The following FNBP1 variants were observed in gnomAD, a reference collection of about 807,000 sequenced individuals.
FNBP1 encodes formin binding protein 1.
In FNBP1, 26 loss-of-function variants were observed where a neutral mutation model predicts 90.6. The observed-to-expected ratio is 0.29, with a 90% CI of 0.21 to 0.40. FNBP1 has a LOEUF of 0.40. Ranked by LOEUF, FNBP1 falls within the 10% of genes least tolerant of loss-of-function variation. The pLI, the probability that FNBP1 is intolerant of heterozygous loss-of-function variation, is 1.00. For missense variants in FNBP1, 635 were observed against 768.0 expected, an observed-to-expected ratio of 0.83 and a Z score of 2.05; for synonymous variants, 260 against 265.2, an observed-to-expected ratio of 0.98 and a Z score of 0.19.
chr9:129,899,793 AGGAAGGAAGG>A (rs1564262737), intron 15 of FNBP1, among the ~76,000 whole-genome samples, 162 bp downstream of exon 15: 12 of 127,124 alleles, frequency 9.4e-5, no homozygotes, highest in South Asian at 6.0e-4. Flanking sequence ...AGGGAAGGGA[AGGAAGGAAGG>A]GGAAGGGGAA....
At chr9:129,902,501 C>T (rs1465905724) in intron 13 of FNBP1, among the ~76,000 whole-genome samples, 1 of 152,118 alleles carries the variant, frequency 6.6e-6, no homozygotes, top group African/African-American at 2.4e-5. Context: ...ATCCCAGCTC[C>T]TCAAAGGCTG....
intron 15 of FNBP1, among the ~76,000 whole-genome samples, chr9:129,899,664 G>A (rs534833755): frequency 8.9e-4 from 136 of 151,996 alleles, no homozygotes; most frequent in Non-Finnish European, 1.6e-3. Flanking sequence ...AGGAGGTCAA[G>A]GCTGCAGTGA....
intron 1 of FNBP1, among the ~76,000 whole-genome samples, chr9:130,036,424 T>C (rs564887874): frequency 6.6e-6 from 1 of 152,332 alleles, no homozygotes; most frequent in South Asian, 2.1e-4. Context: ...TTTATGTGCT[T>C]AAAGTACAGT....
At chr9:130,048,755 G>A in the FNBP1 span, among the ~76,000 whole-genome samples, 1 of 149,014 alleles carries the variant, frequency 6.7e-6, no homozygotes, top group African/African-American at 2.5e-5. Flanking sequence ...TGGGATTACA[G>A]GCGTGAGCCA....
intron 1 of FNBP1, among the ~76,000 whole-genome samples, chr9:130,005,396 C>T (rs2055535392): frequency 6.9e-6 from 1 of 144,248 alleles, no homozygotes; most frequent in African/African-American, 2.6e-5. Flanking sequence ...GGCTGGAGTG[C>T]AGTGGTGCGA....
intron 11 of FNBP1, among the ~76,000 whole-genome samples, chr9:129,915,193 G>T (rs1441100975): frequency 6.6e-6 from 1 of 151,912 alleles, no homozygotes; most frequent in Non-Finnish European, 1.5e-5. Context: ...CCCACAGGTG[G>T]CCTCAAACCT....
chr9:129,998,514 CA>C (rs201736097), intron 1 of FNBP1, among the ~76,000 whole-genome samples: 21 of 138,668 alleles, frequency 1.5e-4, no homozygotes, highest in South Asian at 2.3e-4. Flanking sequence ...AACTCCACCT[CA>C]AAAAAAAAAA....
intron 4 of FNBP1, among the ~76,000 whole-genome samples, chr9:129,962,032 G>A (rs1408695666): frequency 1.3e-5 from 2 of 152,170 alleles, no homozygotes; most frequent in East Asian, 1.9e-4. Flanking sequence ...TGGTTCTGAT[G>A]AGATTTGCCA....
rs182838391 is a variant in FNBP1 at position 129,925,485 on chromosome 9, G to A, written c.790-328C>T. Among the ~76,000 whole-genome samples, 1,103 of 150,994 alleles carry A rather than the reference G, an allele frequency of 7.3e-3. 14 individuals carry two copies. Among genetic ancestry groups the A allele is most frequent in the African/African-American group, 0.023 (937 of 41,136 alleles). The stretch of plus-strand genomic sequence containing the variant: ...CGCGCCACTGCACTCCAGCCTGGGC[G>A]ACAGAGTGAGACTCCATCTCAAAAA... On this transcript the variant is annotated intron_variant, in intron 8 of 16. Coordinates refer to ENST00000446176, the MANE Select transcript of FNBP1 (RefSeq NM_015033.3).
chr9:129,891,887 G>GA (rs1588316495), intron 16 of FNBP1, among the ~76,000 whole-genome samples: 2 of 152,222 alleles, frequency 1.3e-5, no homozygotes, highest in South Asian at 2.1e-4. Flanking sequence ...ACAATACTGA[G>GA]AAAAAATATA....
At chr9:129,910,405 C>T (rs2039016477) in intron 11 of FNBP1, among the ~76,000 whole-genome samples, 1 of 141,660 alleles carries the variant, frequency 7.1e-6, no homozygotes, top group Non-Finnish European at 1.5e-5. Context: ...TTGCTTGAAC[C>T]CGGGAAGCGG....
intron 6 of FNBP1, among the ~76,000 whole-genome samples, chr9:129,935,150 G>T (rs2043239219): frequency 7.0e-6 from 1 of 143,674 alleles, no homozygotes; most frequent in East Asian, 2.0e-4. Context: ...TTAAGACAGG[G>T]TCTCCCTCTG....
chr9:129,917,609 A>C (rs1445186150), intron 10 of FNBP1, among the ~76,000 whole-genome samples: 6 of 152,220 alleles, frequency 3.9e-5, no homozygotes, highest in African/African-American at 1.2e-4. Flanking sequence ...TGCTGGGATT[A>C]CAGGTGTGAG....
intron 6 of FNBP1, among the ~76,000 whole-genome samples, chr9:129,948,317 G>A (rs1044908829): frequency 7.0e-6 from 1 of 142,682 alleles, no homozygotes; most frequent in Non-Finnish European, 1.5e-5. Context: ...TAATTTATTT[G>A]TCTGTGCTAT....
chr9:130,018,271 ATG>A (rs1480052390), intron 1 of FNBP1, among the ~76,000 whole-genome samples: 6 of 151,298 alleles, frequency 4.0e-5, no homozygotes, highest in Non-Finnish European at 8.9e-5. Flanking sequence ...GTGTGTGTGT[ATG>A]TGTATATATA....
chr9:129,950,016 A>G (rs2132575923), intron 6 of FNBP1, among the ~76,000 whole-genome samples: 1 of 152,352 alleles, frequency 6.6e-6, no homozygotes, highest in East Asian at 1.9e-4. Context: ...GAATACAATT[A>G]GATAATTTAA....
the FNBP1 span, among the ~76,000 whole-genome samples, chr9:130,050,412 T>C: frequency 5.8e-4 from 88 of 152,268 alleles, no homozygotes; most frequent in African/African-American, 2.1e-3. Context: ...GGACTCAAAG[T>C]GTGTCAGAGC....
intron 16 of FNBP1, among the ~76,000 whole-genome samples, chr9:129,892,333 A>T (rs1025695010): frequency 6.6e-6 from 1 of 151,166 alleles, no homozygotes; most frequent in Non-Finnish European, 1.5e-5. Flanking sequence ...TCTAGTCTAA[A>T]TATTTTGGCA....
Position 129,908,944 on chromosome 9 carries a change from A to T in FNBP1, c.1241T>A (p.Leu414Gln), listed in dbSNP as rs761074963. Residue 414 changes from leucine to glutamine, a missense_variant, in exon 12 of 17, where the codon CTG (leucine) becomes CAG (glutamine). Coordinates refer to ENST00000446176, the MANE Select transcript of FNBP1 (RefSeq NM_015033.3). The stretch of plus-strand genomic sequence containing the variant: ...ATTTAACTCATCGACTTTCTGCTGC[A>T]GCTTTTTCCTTCTTTGTTCAGGTGG... Reference protein sequence around the residue: ...NLPPEQRRKKLQQKVDELNKE... With the variant: ...NLPPEQRRKKQQQKVDELNKE... The T allele has an allele frequency of 6.2e-7, 1 of 1,613,838 alleles. No individual in the cohort carries two copies. The highest frequency in any genetic ancestry group is 2.2e-5 in the East Asian group (1 of 44,886).
Sources: allele counts gnomAD v4.1 joint callset (sites outside exome capture counted in the v4.1 genomes callset), GRCh38; gene constraint gnomAD v4.1.1; transcripts MANE v1.5; gene names NCBI Gene and HGNC (gene_info 2026-07-23, HGNC 2026-07-21).